PIBF1: variants seen among roughly 807,000 people sequenced by gnomAD.
The protein encoded by PIBF1 is progesterone immunomodulatory binding factor 1.
In PIBF1, 90 loss-of-function variants were observed where a neutral mutation model predicts 112.5. The ratio of observed to expected loss-of-function variants is 0.80; its 90% CI spans 0.67 to 0.95. The LOEUF (loss-of-function observed/expected upper bound fraction) is 0.95. Among genes scored for constraint, PIBF1 ranks in the 40% least tolerant of loss-of-function variants. The probability of loss-of-function intolerance (pLI) is 0.00; values close to 1 mark genes in which losing one functional copy is unlikely to be tolerated. For synonymous variants in PIBF1, 301 were observed against 288.6 expected (o/e 1.04, Z -0.44); for missense variants, 915 against 852.3 (o/e 1.07, Z -0.92).
At chr13:72,946,206 G>A (rs1244259364) in intron 14 of PIBF1, among the ~76,000 whole-genome samples, 3 of 152,064 alleles carry the variant, frequency 2.0e-5, no homozygotes, top group African/African-American at 7.2e-5. Flanking sequence ...AAGCAAACAC[G>A]TCCTTCTTCA....
chr13:72,828,035 A>G (rs565617606), intron 8 of PIBF1, 121 bp downstream of exon 8: 8 of 384,196 alleles, frequency 2.1e-5, no homozygotes, highest in Non-Finnish European at 3.5e-5. Context: ...TGATAATACT[A>G]AGATAATACC....
chr13:72,891,715 C>G (rs767417338), intron 10 of PIBF1, among the ~76,000 whole-genome samples: 32 of 151,844 alleles, frequency 2.1e-4, no homozygotes, highest in Non-Finnish European at 4.1e-4. Flanking sequence ...GGTATATAAC[C>G]AAGAGAAATG....
chr13:72,915,020 T>TA (rs1365715321), intron 12 of PIBF1, among the ~76,000 whole-genome samples: 1 of 152,100 alleles, frequency 6.6e-6, no homozygotes, highest in Non-Finnish European at 1.5e-5. Flanking sequence ...AAGACAATAA[T>TA]AAAAAATAAT....
intron 2 of PIBF1, among the ~76,000 whole-genome samples, chr13:72,788,548 T>C (rs2034721804): frequency 6.6e-6 from 1 of 152,262 alleles, no homozygotes; most frequent in South Asian, 2.1e-4. Flanking sequence ...AGATAGCTTA[T>C]CTGCCTCCAG....
At chr13:73,005,271 CT>C (rs2043996239) in intron 17 of PIBF1, among the ~76,000 whole-genome samples, 1 of 149,790 alleles carries the variant, frequency 6.7e-6, no homozygotes, top group South Asian at 2.1e-4. Flanking sequence ...TGGGCAAAAA[CT>C]TTTGTGAGAT....
At chr13:72,851,931 T>A (rs2038179455) in intron 9 of PIBF1, among the ~76,000 whole-genome samples, 1 of 152,114 alleles carries the variant, frequency 6.6e-6, no homozygotes. Context: ...GGGTCTCCTC[T>A]CAGCCAAGAG....
intron 16 of PIBF1, among the ~76,000 whole-genome samples, chr13:72,979,430 A>G (rs1233828523): frequency 6.6e-6 from 1 of 152,162 alleles, no homozygotes; most frequent in African/African-American, 2.4e-5. Flanking sequence ...CATCAGCCAA[A>G]TGCCTAATAG....
chr13:72,949,964 G>C (rs913962133), intron 14 of PIBF1, among the ~76,000 whole-genome samples: 5 of 152,124 alleles, frequency 3.3e-5, no homozygotes, highest in Non-Finnish European at 5.9e-5. Flanking sequence ...GGAGTCATCG[G>C]GTGTGACTGT....
intron 12 of PIBF1, among the ~76,000 whole-genome samples, chr13:72,915,056 A>G (rs1448671702): frequency 1.3e-5 from 2 of 152,130 alleles, no homozygotes; most frequent in Non-Finnish European, 2.9e-5. Flanking sequence ...CAATATAACA[A>G]CTATTATATA....
intron 5 of PIBF1, among the ~76,000 whole-genome samples, chr13:72,814,626 A>G (rs1233969817): frequency 6.6e-6 from 1 of 151,996 alleles, no homozygotes; most frequent in African/African-American, 2.4e-5. Flanking sequence ...TAAAGAGCAA[A>G]GAAAAACTGA....
At chr13:72,878,106 TA>T (rs1454016931) in intron 10 of PIBF1, among the ~76,000 whole-genome samples, 5 of 149,762 alleles carry the variant, frequency 3.3e-5, no homozygotes, top group African/African-American at 1.3e-4. Flanking sequence ...GCTAAAGTTT[TA>T]CTGGTTTTAT....
intron 10 of PIBF1, among the ~76,000 whole-genome samples, chr13:72,872,178 T>C (rs1388074980): frequency 6.6e-6 from 1 of 152,202 alleles, no homozygotes; most frequent in East Asian, 1.9e-4. Flanking sequence ...GTGTTAGAGA[T>C]AGTGTTTGTT....
chr13:72,905,588 T>C (rs2040675004), intron 11 of PIBF1, among the ~76,000 whole-genome samples: 1 of 152,148 alleles, frequency 6.6e-6, no homozygotes, highest in Non-Finnish European at 1.5e-5. Flanking sequence ...CAATGTTCAG[T>C]ATTTAAAACT....
intron 9 of PIBF1, among the ~76,000 whole-genome samples, chr13:72,846,954 G>A (rs2037903943): frequency 6.6e-6 from 1 of 152,122 alleles, no homozygotes; most frequent in Non-Finnish European, 1.5e-5. Context: ...CTACTTTTTA[G>A]AAATTAGGTG....
In PIBF1 at chr13:72,931,244, C is replaced by G. The variant is rs765921952; in HGVS notation, c.1810C>G (p.Gln604Glu). The change falls in exon 14 of 18, where the codon CAA becomes GAA. Residue 604 changes from glutamine (Q) to glutamate (E), a missense_variant. Physicochemically the swap from Gln to Glu is conservative, Grantham distance 29 (BLOSUM62 2). Transcript: ENST00000326291. ...AAAAGATCTGGAACATCGAAAGGAC[C>G]AAGTAACACAGCTTTCACAAGAGGT... The part of the protein sequence containing the change: ...ILKDLEHRKD[Q>E]VTQLSQELDR... 4.4e-6 allele frequency: 7 copies of G among 1,609,050 alleles called. No individual in the cohort carries two copies. In the East Asian group the frequency reaches 1.1e-4, roughly 26 times the overall value.
At chr13:72,876,134 C>CTTTTT (rs386363749) in intron 10 of PIBF1, among the ~76,000 whole-genome samples, 3,954 of 91,188 alleles carry the variant, frequency 0.043, 680 homozygotes, top group African/African-American at 0.076. Flanking sequence ...TGTTCAGATT[C>CTTTTT]TTTTTTTTTT....
intron 2 of PIBF1, among the ~76,000 whole-genome samples, chr13:72,783,975 A>G (rs1047824245): frequency 2.0e-5 from 3 of 152,122 alleles, no homozygotes; most frequent in African/African-American, 7.2e-5. Flanking sequence ...GTTGAATAGG[A>G]GGAATACATT....
intron 3 of PIBF1, among the ~76,000 whole-genome samples, chr13:72,793,637 C>T (rs1465106153): frequency 6.6e-6 from 1 of 152,120 alleles, no homozygotes; most frequent in Non-Finnish European, 1.5e-5. Context: ...AGGGCAGTCA[C>T]GAGTCTATTG....
Position 72,917,101 on chromosome 13 carries a change from G to T in PIBF1, c.1665G>T (p.Arg555Ser), listed in dbSNP as rs753318034. 34 of 1,595,124 alleles carry T rather than the reference G, an allele frequency of 2.1e-5. No individual in the cohort carries two copies. Among genetic ancestry groups the T allele is most frequent in the South Asian group, 5.7e-5 (5 of 87,980 alleles). ...AEIENEDEAE[R>S]VLFSYGYGAN... ...TTGAAAATGAAGATGAGGCTGAAAG[G>T]GTTCTTTTTTCCTACGGCTATGGTG... The change falls in exon 13 of 18, where the codon AGG becomes AGT. Residue 555 changes from arginine to serine, a missense_variant. By Grantham distance (110) the Arg-to-Ser change is moderately radical. Transcript: ENST00000326291.
Sources: allele counts gnomAD v4.1 joint callset (sites outside exome capture counted in the v4.1 genomes callset), GRCh38; gene constraint gnomAD v4.1.1; transcripts MANE v1.5; gene names NCBI Gene and HGNC (gene_info 2026-07-23, HGNC 2026-07-21).